Variants in HS3ST3A1 observed in about 807,000 individuals in gnomAD.
HS3ST3A1 encodes the protein heparan sulfate-glucosamine 3-sulfotransferase 3A1, also known as heparan sulfate glucosamine 3-O-sulfotransferase 3A1.
Under a neutral mutation model 25.7 loss-of-function variants are expected in HS3ST3A1, and 19 were observed. That is an observed-to-expected ratio of 0.74 (90% CI 0.52 to 1.08). HS3ST3A1 has a LOEUF of 1.08. Among genes scored for constraint, HS3ST3A1 ranks in the 50% least tolerant of loss-of-function variants. The pLI is 0.00. For missense variants in HS3ST3A1, 459 were observed against 594.3 expected, an observed-to-expected ratio of 0.77 and a Z score of 2.37; for synonymous variants, 226 against 278.6, an observed-to-expected ratio of 0.81 and a Z score of 1.88.
intron 1 of HS3ST3A1, among the ~76,000 whole-genome samples, chr17:13,505,662 A>G (rs1905640272): frequency 6.6e-6 from 1 of 151,616 alleles, no homozygotes; most frequent in South Asian, 2.1e-4. Context: ...AAAAAGGCGG[A>G]AAAGAATAAA....
In HS3ST3A1 at chr17:13,496,594, G is replaced by C; in HGVS notation, c.824C>G (p.Thr275Arg). 1 of 1,606,554 alleles carries C rather than the reference G, an allele frequency of 6.2e-7. No homozygotes were observed. The highest frequency in any genetic ancestry group is 2.2e-5 in the East Asian group (1 of 44,696). ...TFESLTFKNR[T>R]AGLIDTSWSA... ...CCACGACGTGTCGATGAGGCCCGCT[G>C]TCCTGTTTTTGAACGTCAAGCTCTC... is the stretch of plus-strand genomic sequence containing the variant. The change falls in exon 2 of 2, where the codon ACA (threonine) becomes AGA (arginine). Residue 275 changes from threonine (T) to arginine (R), a missense_variant. Physicochemically the swap from Thr to Arg is moderately conservative, Grantham distance 71 (BLOSUM62 -1). Coordinates refer to ENST00000284110, the MANE Select transcript of HS3ST3A1 (RefSeq NM_006042.3).
intron 1 of HS3ST3A1, among the ~76,000 whole-genome samples, chr17:13,560,311 AAAAAAAAAGT>A (rs1907501519): frequency 6.9e-6 from 1 of 143,902 alleles, no homozygotes. Flanking sequence ...AAAAAAAAAA[AAAAAAAAAGT>A]GTATTACCTA....
At chr17:13,568,731 T>C (rs1313877712) in intron 1 of HS3ST3A1, among the ~76,000 whole-genome samples, 1 of 152,166 alleles carries the variant, frequency 6.6e-6, no homozygotes, top group Non-Finnish European at 1.5e-5. Flanking sequence ...CCATCCTCAA[T>C]TGTGGTCGTT....
intron 1 of HS3ST3A1, among the ~76,000 whole-genome samples, chr17:13,518,688 A>G (rs555403699): frequency 3.3e-5 from 5 of 152,354 alleles, no homozygotes; most frequent in Admixed American, 6.5e-5. Flanking sequence ...CTGTGAGGAC[A>G]TCTCTGGACT....
At chr17:13,526,472 TTTTATATATATATATATATATA>T (rs1196942776) in intron 1 of HS3ST3A1, among the ~76,000 whole-genome samples, 9 of 58,364 alleles carry the variant, frequency 1.5e-4, no homozygotes, top group African/African-American at 2.5e-4. Context: ...CAACTTTAAT[TTTTATATATATATATATATATA>T]TATATATATA....
intron 1 of HS3ST3A1, among the ~76,000 whole-genome samples, chr17:13,508,303 G>C (rs1015639502): frequency 6.6e-6 from 1 of 152,174 alleles, no homozygotes; most frequent in Non-Finnish European, 1.5e-5. Flanking sequence ...GGGTTCCCTG[G>C]ACTCCAGAGG....
At chr17:13,580,464 C>A (rs1002889712) in intron 1 of HS3ST3A1, among the ~76,000 whole-genome samples, 1 of 152,000 alleles carries the variant, frequency 6.6e-6, no homozygotes, top group East Asian at 1.9e-4. Context: ...TCACACTGTA[C>A]CCTGTTTATA....
At chr17:13,511,458 A>G (rs1275743840) in intron 1 of HS3ST3A1, among the ~76,000 whole-genome samples, 1 of 152,192 alleles carries the variant, frequency 6.6e-6, no homozygotes, top group Admixed American at 6.5e-5. Context: ...ATCAGAGAGC[A>G]TGAAATAGCC....
intron 1 of HS3ST3A1, among the ~76,000 whole-genome samples, chr17:13,553,646 C>T (rs962618333): frequency 6.6e-6 from 1 of 152,236 alleles, no homozygotes; most frequent in Non-Finnish European, 1.5e-5. Context: ...CACCTGTCCA[C>T]ATCATCCCTT....
At chr17:13,593,325 G>T in intron 1 of HS3ST3A1, among the ~76,000 whole-genome samples, 1 of 150,272 alleles carries the variant, frequency 6.7e-6, no homozygotes, top group Non-Finnish European at 1.5e-5. Flanking sequence ...TCAGAGACCT[G>T]TCATTTACAT....
chr17:13,549,284 T>C (rs941984362), intron 1 of HS3ST3A1, among the ~76,000 whole-genome samples: 4 of 152,146 alleles, frequency 2.6e-5, no homozygotes, highest in Non-Finnish European at 5.9e-5. Flanking sequence ...AAGAAGAAAC[T>C]GCAGACACAT....
chr17:13,599,091 A>AG (rs1908654207), intron 1 of HS3ST3A1, among the ~76,000 whole-genome samples: 2 of 152,190 alleles, frequency 1.3e-5, no homozygotes, highest in Admixed American at 6.5e-5. Context: ...GCTAAAAAGA[A>AG]GGACCTGTTG....
chr17:13,553,683 C>A (rs889239035), intron 1 of HS3ST3A1, among the ~76,000 whole-genome samples: 37 of 152,180 alleles, frequency 2.4e-4, no homozygotes, highest in African/African-American at 8.7e-4. Flanking sequence ...TTCTGAGATG[C>A]CCCTAGCCAG....
chr17:13,574,018 T>A (rs1430777648), intron 1 of HS3ST3A1, among the ~76,000 whole-genome samples: 1 of 152,126 alleles, frequency 6.6e-6, no homozygotes, highest in African/African-American at 2.4e-5. Context: ...GTTGTTTAAA[T>A]CAGTGGTATT....
chr17:13,497,447 T>G (rs1905321111), intron 1 of HS3ST3A1, among the ~76,000 whole-genome samples: 1 of 152,244 alleles, frequency 6.6e-6, no homozygotes, highest in Admixed American at 6.5e-5. Flanking sequence ...TAAGTTATTA[T>G]CGTGTGATAG....
chr17:13,600,546 C>A lies in HS3ST3A1; in HGVS notation c.584G>T (p.Gly195Val). ...CCCCGCTCACCGGTACCAGGCGAGG[C>A]CCTTGTCGTAGCTGCGGTCGAAGAA... Reference protein sequence around the residue: ...PHFFDRSYDKGLAWYRDLMPR... With the variant: ...PHFFDRSYDKVLAWYRDLMPR... Residue 195 changes from glycine (G) to valine (V), a missense_variant, in exon 1 of 2, where the codon GGC (glycine) becomes GTC (valine). By Grantham distance (109) the Gly-to-Val change is moderately radical (BLOSUM62 -3). This residue lies in a region of HS3ST3A1 where 346 missense variants were observed against 303.9 expected (regional missense o/e 1.14). Coordinates refer to ENST00000284110, the MANE Select transcript of HS3ST3A1 (RefSeq NM_006042.3). 1 of 1,599,464 alleles carries A rather than the reference C, an allele frequency of 6.3e-7. No individual in the cohort carries two copies. The highest frequency in any genetic ancestry group is 8.5e-7 in the Non-Finnish European group (1 of 1,177,688).
intron 1 of HS3ST3A1, among the ~76,000 whole-genome samples, chr17:13,566,728 C>T (rs139770085): frequency 6.6e-6 from 1 of 152,190 alleles, no homozygotes; most frequent in Non-Finnish European, 1.5e-5. Flanking sequence ...CCCCTTAAGC[C>T]AAAGCCTAAT....
At chr17:13,591,908 C>T (rs1019094062) in intron 1 of HS3ST3A1, among the ~76,000 whole-genome samples, 4 of 152,144 alleles carry the variant, frequency 2.6e-5, no homozygotes, top group Admixed American at 6.5e-5. Flanking sequence ...GATCTGCCTG[C>T]CTCTGTCTCC....
chr17:13,586,368 G>T (rs760337800), intron 1 of HS3ST3A1, among the ~76,000 whole-genome samples: 1 of 151,504 alleles, frequency 6.6e-6, no homozygotes. Flanking sequence ...GTGTGCATCC[G>T]TATGCCACCG....
Sources: gnomAD v4.1 joint callset for allele counts (sites outside exome capture counted in the v4.1 genomes callset) on GRCh38, gnomAD v4.1.1 for gene constraint, gnomAD v4.1.1 regional missense constraint, MANE v1.5 for transcripts, NCBI Gene and HGNC (gene_info 2026-07-23, HGNC 2026-07-21) for gene names.